The following KCNMA1 variants were observed in gnomAD, a reference collection of about 807,000 sequenced individuals.
KCNMA1 encodes Calcium-activated potassium channel subunit alpha-1.
KCNMA1 carries 29 observed loss-of-function variants against 140.0 expected under a neutral mutation model. The observed-to-expected ratio is 0.21, with a 90% CI of 0.15 to 0.28. The LOEUF is 0.28. KCNMA1 is among the 10% of genes least tolerant of loss of function. KCNMA1 has a pLI of 1.00. For missense variants in KCNMA1, 880 were observed against 1,602.2 expected (o/e 0.55, Z 7.70); for synonymous variants, 612 against 611.9 (o/e 1.00, Z 0.00).
intron 1 of KCNMA1, among the ~76,000 whole-genome samples, chr10:77,601,605 G>C (rs1286734826): frequency 1.3e-5 from 2 of 152,164 alleles, no homozygotes; most frequent in Non-Finnish European, 2.9e-5. Context: ...GCAGGACAAA[G>C]TAGCTTCTGC....
intron 9 of KCNMA1, among the ~76,000 whole-genome samples, chr10:77,101,201 G>A (rs71475636): frequency 0.19 from 28,236 of 152,034 alleles, 3,114 homozygotes; most frequent in Middle Eastern, 0.27. Flanking sequence ...ATCAGGAAGG[G>A]ATACCTAGCA....
chr10:77,595,144 G>A (rs1052034735), intron 1 of KCNMA1, among the ~76,000 whole-genome samples: 2 of 152,134 alleles, frequency 1.3e-5, no homozygotes, highest in Admixed American at 6.5e-5. Context: ...TGAGGAGTTC[G>A]AGACTAGCCT....
chr10:77,367,164 T>C (rs1350272285), intron 2 of KCNMA1, among the ~76,000 whole-genome samples: 2 of 152,202 alleles, frequency 1.3e-5, no homozygotes, highest in African/African-American at 2.4e-5. Context: ...CCTTTCAAGC[T>C]GGCCAGTGAC....
chr10:77,122,178 C>CACGCA (rs1441387690), intron 5 of KCNMA1, among the ~76,000 whole-genome samples: 1 of 152,078 alleles, frequency 6.6e-6, no homozygotes, highest in African/African-American at 2.4e-5. Context: ...ACACTAACTG[C>CACGCA]ACGCAACGTG....
chr10:76,873,816 A>G (rs1045510087), downstream of KCNMA1: 1 of 152,198 alleles, frequency 6.6e-6, no homozygotes, highest in African/African-American at 2.4e-5. Flanking sequence ...CAATAGATTA[A>G]AATTACATTT....
chr10:77,510,708 G>A (rs1275244131), intron 1 of KCNMA1, among the ~76,000 whole-genome samples: 1 of 152,054 alleles, frequency 6.6e-6, no homozygotes, highest in African/African-American at 2.4e-5. Context: ...TGAGGCAGGA[G>A]GATCACTTGA....
chr10:76,990,084 G>A (rs1382695399), intron 19 of KCNMA1, among the ~76,000 whole-genome samples: 1 of 152,170 alleles, frequency 6.6e-6, no homozygotes, highest in African/African-American at 2.4e-5. Flanking sequence ...GTTTATAGAT[G>A]AGGAAGCTAA....
intron 19 of KCNMA1, among the ~76,000 whole-genome samples, chr10:76,982,501 C>T (rs1254191292): frequency 6.6e-6 from 1 of 152,024 alleles, no homozygotes; most frequent in Non-Finnish European, 1.5e-5. Flanking sequence ...AAGGGCATGC[C>T]AGGTGGAGGA....
chr10:77,025,242 G>GTGTATATATA (rs1436772387), intron 16 of KCNMA1, among the ~76,000 whole-genome samples: 62 of 42,740 alleles, frequency 1.5e-3, no homozygotes, highest in Non-Finnish European at 2.5e-3. Flanking sequence ...GGGTGTGTGT[G>GTGTATATATA]TATATATATA....
At position 77,183,439 on chromosome 10, in the gene KCNMA1, A is replaced by G; in HGVS notation, c.790T>C (p.Leu264=). 6.2e-7 allele frequency: 1 copy of G among 1,612,592 alleles called. No homozygotes were observed. The highest frequency in any genetic ancestry group is 8.5e-7 in the Non-Finnish European group (1 of 1,178,674). Residue 264 remains leucine, a synonymous_variant, in exon 5 of 28, where the codon TTA becomes CTA. Transcript: ENST00000286628. ...GACTTACCAAGCCAACTTCTGTTTA[A>G]GTACACAGACACAAACACGGGGGGC... is the stretch of plus-strand genomic sequence containing the variant. ...TVPPVFVSVY[L]NRSWLGLRFL...
intron 25 of KCNMA1, among the ~76,000 whole-genome samples, chr10:76,895,023 T>G (rs529729864): frequency 6.6e-6 from 1 of 152,212 alleles, no homozygotes; most frequent in Non-Finnish European, 1.5e-5. Flanking sequence ...GGCCTGGTAG[T>G]TAAAGACTGA....
intron 2 of KCNMA1, among the ~76,000 whole-genome samples, chr10:77,312,202 C>T (rs2079496709): frequency 2.0e-5 from 3 of 152,206 alleles, no homozygotes; most frequent in Admixed American, 2.0e-4. Flanking sequence ...GCACAGCAGC[C>T]AGGAGCCATG....
At position 77,462,334 on chromosome 10, in the gene KCNMA1, T is replaced by C. The variant is rs545135358; in HGVS notation, c.379-58311A>G. Among the ~76,000 whole-genome samples, 5 of 152,060 alleles carry C rather than the reference T, an allele frequency of 3.3e-5. No individual in the cohort carries two copies. In the South Asian group the frequency reaches 1.0e-3, roughly 32 times the overall value. On this transcript the variant is annotated intron_variant, in intron 1 of 27. Coordinates refer to ENST00000286628, the MANE Select transcript of KCNMA1 (RefSeq NM_001161352.2). Reference sequence around the variant, plus strand: ...AGAAACATATATACACTTAAATACATATATGCATGGAGAAACAAATGCATA... The same window carrying C: ...AGAAACATATATACACTTAAATACACATATGCATGGAGAAACAAATGCATA...
At chr10:77,063,393 C>T (rs1025185800) in intron 14 of KCNMA1, among the ~76,000 whole-genome samples, 2 of 151,728 alleles carry the variant, frequency 1.3e-5, no homozygotes, top group East Asian at 1.9e-4. Context: ...TGCAGTGAGC[C>T]GAGACTGCAC....
rs897396040 is a variant in KCNMA1, at chr10:77,082,962, G to A, written c.1523+1675C>T. Among the ~76,000 whole-genome samples, 8 of 152,122 alleles carry A rather than the reference G, an allele frequency of 5.3e-5. No individual in the cohort carries two copies. The South Asian group carries it at 6.2e-4, about 12-fold the overall frequency. On this transcript the variant is annotated intron_variant, in intron 12 of 27. Coordinates refer to ENST00000286628, the MANE Select transcript of KCNMA1 (RefSeq NM_001161352.2). ...CCCACCTCACTGATGGGGAAGCTCC[G>A]GTCACTTGGGGCCACTGATGGAAAG...
At chr10:77,491,754 C>T (rs933791677) in intron 1 of KCNMA1, among the ~76,000 whole-genome samples, 2 of 144,370 alleles carry the variant, frequency 1.4e-5, no homozygotes, top group Admixed American at 1.4e-4. Flanking sequence ...CACACACACA[C>T]CCTACATATA....
intron 1 of KCNMA1, among the ~76,000 whole-genome samples, chr10:77,618,725 T>C (rs2090390413): frequency 6.6e-6 from 1 of 152,166 alleles, no homozygotes; most frequent in African/African-American, 2.4e-5. Context: ...TGGATAACAA[T>C]ACCCTATGTT....
chr10:76,973,603 G>A (rs2076695369), intron 19 of KCNMA1, among the ~76,000 whole-genome samples: 1 of 152,112 alleles, frequency 6.6e-6, no homozygotes, highest in South Asian at 2.1e-4. Context: ...TTTAAGATGT[G>A]GTGGTAATTC....
intron 2 of KCNMA1, among the ~76,000 whole-genome samples, chr10:77,277,279 C>T (rs776202804): frequency 4.6e-5 from 7 of 152,202 alleles, no homozygotes; most frequent in Non-Finnish European, 1.0e-4. Context: ...TGGGCCTCAG[C>T]TCCCTGGGGT....
Sources: allele counts gnomAD v4.1 joint callset (sites outside exome capture counted in the v4.1 genomes callset), GRCh38; gene constraint gnomAD v4.1.1; transcripts MANE v1.5; gene names NCBI Gene and HGNC (gene_info 2026-07-23, HGNC 2026-07-21).